GRID2: variants seen among roughly 807,000 people sequenced by gnomAD.
GRID2 encodes the protein glutamate receptor ionotropic, delta-2.
Under a neutral mutation model 114.8 loss-of-function variants are expected in GRID2, and 33 were observed. The observed-to-expected ratio is 0.29, with a 90% CI of 0.22 to 0.38. The LOEUF is 0.38. GRID2 is among the 10% of genes least tolerant of loss of function. GRID2 has a pLI of 1.00. For missense variants in GRID2, 1,184 were observed against 1,257.7 expected (o/e 0.94, Z 0.89); for synonymous variants, 505 against 449.9 (o/e 1.12, Z -1.55).
chr4:92,515,661 A>G (rs1247913050), intron 1 of GRID2, among the ~76,000 whole-genome samples: 1 of 151,938 alleles, frequency 6.6e-6, no homozygotes, highest in Non-Finnish European at 1.5e-5. Context: ...TACCTTGGGT[A>G]TTGTAGAAGT....
intron 2 of GRID2, among the ~76,000 whole-genome samples, chr4:92,777,524 A>C (rs2149356345): frequency 6.6e-6 from 1 of 152,152 alleles, no homozygotes; most frequent in Non-Finnish European, 1.5e-5. Context: ...TCACCTCTTG[A>C]TGCATCGCTT....
At chr4:93,761,003 G>A (rs188681042) in intron 14 of GRID2, among the ~76,000 whole-genome samples, 1 of 152,152 alleles carries the variant, frequency 6.6e-6, no homozygotes, top group Admixed American at 6.6e-5. Context: ...CAGAATAAAT[G>A]CTCAGATATA....
At chr4:92,518,462 A>G (rs1478590067) in intron 1 of GRID2, among the ~76,000 whole-genome samples, 1 of 151,918 alleles carries the variant, frequency 6.6e-6, no homozygotes, top group Non-Finnish European at 1.5e-5. Flanking sequence ...AAAGACAAAT[A>G]CTGCATCATT....
At position 92,375,442 on chromosome 4, in the gene GRID2, C is replaced by T. The variant is rs139700244; in HGVS notation, c.88+70698C>T. Among the ~76,000 whole-genome samples, 626 of 152,102 alleles carry T rather than the reference C, an allele frequency of 4.1e-3. 7 individuals are homozygous for T. Among genetic ancestry groups the T allele is most frequent in the African/African-American group, 0.014 (588 of 41,510 alleles). On this transcript the variant is annotated intron_variant, in intron 1 of 15. Coordinates refer to ENST00000282020, the MANE Select transcript of GRID2 (RefSeq NM_001510.4). ...TGTAAAGCTTTGAAAATTATAGTAT[C>T]CTCTACAAAAACAAGGTTCTACTAT...
chr4:92,633,196 T>C (rs1730896441), intron 2 of GRID2, among the ~76,000 whole-genome samples: 1 of 152,190 alleles, frequency 6.6e-6, no homozygotes, highest in Non-Finnish European at 1.5e-5. Flanking sequence ...AATTTTTCAT[T>C]GTATTTTTCT....
At chr4:92,921,141 C>A (rs929817401) in intron 2 of GRID2, among the ~76,000 whole-genome samples, 1 of 152,228 alleles carries the variant, frequency 6.6e-6, no homozygotes, top group East Asian at 1.9e-4. Flanking sequence ...TTGATCGCGT[C>A]GGCTACTGAG....
At chr4:93,626,924 C>T (rs920944902) in intron 14 of GRID2, among the ~76,000 whole-genome samples, 3 of 152,188 alleles carry the variant, frequency 2.0e-5, no homozygotes, top group East Asian at 3.9e-4. Flanking sequence ...TGGAGTTCCC[C>T]GCTTAACATC....
At chr4:92,546,542 A>ATG (rs917103468) in intron 1 of GRID2, among the ~76,000 whole-genome samples, 14 of 152,220 alleles carry the variant, frequency 9.2e-5, no homozygotes, top group East Asian at 7.7e-4. Flanking sequence ...ATACTGATGC[A>ATG]TGTGTGTGTG....
chr4:92,339,572 T>C (rs1385845752), intron 1 of GRID2, among the ~76,000 whole-genome samples: 1 of 152,166 alleles, frequency 6.6e-6, no homozygotes, highest in Non-Finnish European at 1.5e-5. Flanking sequence ...AACTGTGGAA[T>C]TTAAACATGA....
chr4:92,531,581 G>A (rs1175409992), intron 1 of GRID2, among the ~76,000 whole-genome samples: 2 of 152,040 alleles, frequency 1.3e-5, no homozygotes, highest in African/African-American at 2.4e-5. Flanking sequence ...AATAAGTGTT[G>A]AAATACTAAC....
rs553494008 is a variant in GRID2 at position 92,328,211 on chromosome 4, G to C, written c.88+23467G>C. ...TAGGTCTCTGCTGGAACAGGATAAGGACTGCATCTTATGCCATGTTAAATG... is the reference window on the plus strand; with the variant it reads ...TAGGTCTCTGCTGGAACAGGATAAGCACTGCATCTTATGCCATGTTAAATG... On this transcript the variant is annotated intron_variant, in intron 1 of 15. Coordinates refer to ENST00000282020, the MANE Select transcript of GRID2 (RefSeq NM_001510.4). Among the ~76,000 whole-genome samples, 5 of 152,098 alleles carry C rather than the reference G, an allele frequency of 3.3e-5. No homozygotes were observed. The South Asian group carries it at 1.0e-3, about 32-fold the overall frequency.
At chr4:92,897,479 T>C (rs1747256704) in intron 2 of GRID2, among the ~76,000 whole-genome samples, 2 of 152,094 alleles carry the variant, frequency 1.3e-5, no homozygotes, top group South Asian at 4.1e-4. Context: ...TAAGTCAACA[T>C]CTATTTCCCT....
intron 2 of GRID2, among the ~76,000 whole-genome samples, chr4:92,849,926 A>T (rs1743642943): frequency 6.6e-6 from 1 of 151,688 alleles, no homozygotes; most frequent in South Asian, 2.1e-4. Context: ...AAGAAGTAAT[A>T]AAGCAATTAA....
Position 92,556,137 on chromosome 4 carries a change from C to T in GRID2, c.89-33994C>T, listed in dbSNP as rs892257129. Reference sequence around the variant, plus strand: ...CTAAGGTGAGAAGGAGGGCCACTAGCATAAAAACAACTTGAACAGAACTTC... The same window carrying T: ...CTAAGGTGAGAAGGAGGGCCACTAGTATAAAAACAACTTGAACAGAACTTC... On this transcript the variant is annotated intron_variant, in intron 1 of 15. Transcript: ENST00000282020. Among the ~76,000 whole-genome samples the T allele has an allele frequency of 3.3e-5, 5 of 152,170 alleles. No homozygotes were observed. The East Asian group carries it at 5.8e-4, about 18-fold the overall frequency.
intron 2 of GRID2, among the ~76,000 whole-genome samples, chr4:92,848,772 A>T (rs1400665471): frequency 1.3e-5 from 2 of 151,956 alleles, no homozygotes; most frequent in East Asian, 3.9e-4. Flanking sequence ...TAAATGACAC[A>T]GTTAAGGTAG....
chr4:92,572,488 T>C (rs13113854), intron 1 of GRID2, among the ~76,000 whole-genome samples: 43,992 of 151,924 alleles, frequency 0.29, 6,317 homozygotes, highest in Middle Eastern at 0.35. Flanking sequence ...CCTTCTGAAA[T>C]GATTCCAATC....
intron 1 of GRID2, among the ~76,000 whole-genome samples, chr4:92,408,323 C>A (rs545704728): frequency 6.6e-6 from 1 of 151,540 alleles, no homozygotes; most frequent in Non-Finnish European, 1.5e-5. Context: ...TTATACCATA[C>A]CATGCTGTTA....
intron 8 of GRID2, among the ~76,000 whole-genome samples, chr4:93,353,747 A>G (rs1761031145): frequency 6.6e-6 from 1 of 152,054 alleles, no homozygotes; most frequent in South Asian, 2.1e-4. Context: ...AAGAAAGATA[A>G]TAAAAAGAGG....
intron 14 of GRID2, among the ~76,000 whole-genome samples, chr4:93,687,916 A>G (rs1354000555): frequency 2.6e-5 from 4 of 152,050 alleles, no homozygotes; most frequent in Non-Finnish European, 5.9e-5. Flanking sequence ...AAAGACGGAT[A>G]TAGGAGAAAA....
Sources: gnomAD v4.1 joint callset for allele counts (sites outside exome capture counted in the v4.1 genomes callset) on GRCh38, gnomAD v4.1.1 for gene constraint, MANE v1.5 for transcripts, NCBI Gene and HGNC (gene_info 2026-07-23, HGNC 2026-07-21) for gene names.